RANBP2: variants seen among roughly 807,000 people sequenced by gnomAD.
RANBP2 encodes the protein RAN binding protein 2.
RANBP2 carries 57 observed loss-of-function variants against 303.6 expected under a neutral mutation model. The observed-to-expected ratio is 0.19, with a 90% CI of 0.15 to 0.23. The LOEUF (loss-of-function observed/expected upper bound fraction) is 0.23, where lower values mean the gene tolerates loss of function less well. Ranked by LOEUF, RANBP2 falls within the 10% of genes least tolerant of loss-of-function variation. RANBP2 has a pLI of 1.00. For synonymous variants in RANBP2, 1,167 were observed against 1,301.5 expected (o/e 0.90, Z 2.23); for missense variants, 3,138 against 3,780.8 (o/e 0.83, Z 4.46).
chr2:108,929,433 C>T, the RANBP2 span: 80 of 1,573,540 alleles, frequency 5.1e-5, no homozygotes, highest in Admixed American at 2.0e-4. Context: ...CCAAACCATA[C>T]GGACTCGGCC....
chr2:109,758,407 CAAA>C, the RANBP2 span, among the ~76,000 whole-genome samples: 2 of 113,500 alleles, frequency 1.8e-5, no homozygotes, highest in Admixed American at 9.0e-5. Context: ...GATTCCATCT[CAAA>C]AAAAAAAAAA....
At chr2:109,433,088 GTA>G in the RANBP2 span, among the ~76,000 whole-genome samples, 4 of 152,244 alleles carry the variant, frequency 2.6e-5, no homozygotes, top group African/African-American at 9.6e-5. Flanking sequence ...TGTGTGCAGA[GTA>G]TGTGCAGTGT....
At chr2:109,153,716 T>C in the RANBP2 span, among the ~76,000 whole-genome samples, 3 of 152,210 alleles carry the variant, frequency 2.0e-5, no homozygotes, top group Non-Finnish European at 4.4e-5. Context: ...TGTGTACTTG[T>C]CTGCTGTGCG....
At chr2:108,823,328 A>G in the RANBP2 span, among the ~76,000 whole-genome samples, 18 of 152,342 alleles carry the variant, frequency 1.2e-4, no homozygotes, top group Admixed American at 1.1e-3. Flanking sequence ...CTAGACAAAG[A>G]CGCAATAAAA....
At chr2:108,793,389 A>T in the RANBP2 span, among the ~76,000 whole-genome samples, 4 of 152,036 alleles carry the variant, frequency 2.6e-5, no homozygotes, top group Non-Finnish European at 5.9e-5. Flanking sequence ...TTTATACTCT[A>T]ATTGTTAAAA....
At chr2:108,812,071 G>A in the RANBP2 span, among the ~76,000 whole-genome samples, 2 of 152,022 alleles carry the variant, frequency 1.3e-5, no homozygotes, top group Non-Finnish European at 2.9e-5. Context: ...TAAATCTAAA[G>A]AGAGATGTGC....
the RANBP2 span, among the ~76,000 whole-genome samples, chr2:109,455,988 T>C: frequency 6.6e-6 from 1 of 152,198 alleles, no homozygotes; most frequent in Non-Finnish European, 1.5e-5. Context: ...ATGCAGGTCT[T>C]AGGGGAGACC....
chr2:109,490,529 G>A, the RANBP2 span: 5 of 1,172,104 alleles, frequency 4.3e-6, no homozygotes, highest in Non-Finnish European at 4.5e-6. Flanking sequence ...ATAGGAAGAT[G>A]CATTCCCCTC....
the RANBP2 span, among the ~76,000 whole-genome samples, chr2:109,209,585 T>C: frequency 6.6e-6 from 1 of 152,130 alleles, no homozygotes; most frequent in Admixed American, 6.5e-5. Flanking sequence ...TTTCCTTCCT[T>C]TTGAGTTTCC....
the RANBP2 span, among the ~76,000 whole-genome samples, chr2:109,238,867 T>A: frequency 6.6e-6 from 1 of 152,086 alleles, no homozygotes; most frequent in African/African-American, 2.4e-5. Flanking sequence ...CTTCTCTCTG[T>A]CCCAAGGGAG....
At chr2:108,729,301 A>G (rs2149098870) in intron 2 of RANBP2, 102 bp downstream of exon 2, 1 of 1,268,606 alleles carries the variant, frequency 7.9e-7, no homozygotes, top group East Asian at 2.6e-5. Context: ...GTTCTTCCTA[A>G]GTGTATTCTG....
At chr2:109,616,039 T>A in the RANBP2 span, 1 of 1,515,520 alleles carries the variant, frequency 6.6e-7, no homozygotes, top group Non-Finnish European at 8.8e-7. Context: ...CCCTTCACAT[T>A]GAGACCAAAG....
the RANBP2 span, among the ~76,000 whole-genome samples, chr2:109,236,630 G>A: frequency 6.6e-6 from 1 of 152,166 alleles, no homozygotes; most frequent in Non-Finnish European, 1.5e-5. Flanking sequence ...ACATTACCAC[G>A]AGAAGATGCT....
the RANBP2 span, chr2:108,923,319 G>T: frequency 3.8e-6 from 6 of 1,564,330 alleles, no homozygotes; most frequent in Non-Finnish European, 5.3e-6. Flanking sequence ...TAGTGAAAGG[G>T]ATCCGTGCTG....
the RANBP2 span, chr2:109,124,592 T>G: frequency 6.6e-6 from 1 of 152,248 alleles, no homozygotes; most frequent in Non-Finnish European, 1.5e-5. Context: ...ATTACAGGCA[T>G]GAGCCATCAT....
At chr2:108,757,641 G>C (rs981693087) in intron 17 of RANBP2, among the ~76,000 whole-genome samples, 1 of 152,180 alleles carries the variant, frequency 6.6e-6, no homozygotes, top group African/African-American at 2.4e-5. Flanking sequence ...AATTTGGGGA[G>C]GTAACGCGGA....
chr2:109,305,207 A>G, the RANBP2 span, among the ~76,000 whole-genome samples: 1 of 152,198 alleles, frequency 6.6e-6, no homozygotes, highest in East Asian at 1.9e-4. Flanking sequence ...GTTCTAATAT[A>G]TCTCTTTCTC....
At chr2:109,114,368 T>C in the RANBP2 span, among the ~76,000 whole-genome samples, 1 of 152,254 alleles carries the variant, frequency 6.6e-6, no homozygotes, top group Non-Finnish European at 1.5e-5. Context: ...TGGGAGGGTG[T>C]ATGTGTTGAG....
At chr2:109,118,996 C>A in the RANBP2 span, among the ~76,000 whole-genome samples, 21 of 152,162 alleles carry the variant, frequency 1.4e-4, no homozygotes, top group African/African-American at 4.8e-4. Context: ...TTAAATTTGA[C>A]TCTGCGATTC....
Sources: gnomAD v4.1 joint callset for allele counts (sites outside exome capture counted in the v4.1 genomes callset) on GRCh38, gnomAD v4.1.1 for gene constraint, MANE v1.5 for transcripts, NCBI Gene and HGNC (gene_info 2026-07-23, HGNC 2026-07-21) for gene names.